Variants in XIRP1 observed in about 807,000 individuals in gnomAD.
The protein encoded by XIRP1 is xin actin-binding repeat-containing protein 1.
For missense variants in XIRP1, 2,378 were observed against 2,345.4 expected, an observed-to-expected ratio of 1.01 and a Z score of -0.29; for synonymous variants, 984 against 947.0, an observed-to-expected ratio of 1.04 and a Z score of -0.72.
Position 39,187,149 on chromosome 3 carries a change from C to T in XIRP1, c.2297G>A (p.Ser766Asn). 1 of 1,611,032 alleles carries T rather than the reference C, an allele frequency of 6.2e-7. No homozygotes were observed. The highest frequency in any genetic ancestry group is 8.5e-7 in the Non-Finnish European group (1 of 1,177,470). The change falls in exon 2 of 2, where the codon AGC becomes AAC. Residue 766 changes from serine to asparagine, a missense_variant. By Grantham distance (46) the Ser-to-Asn change is conservative. Transcript: ENST00000340369. ...MSPSGNRMQE[S>N]QETAAEGTLR... ...GGTCCCCTCAGCTGCAGTCTCCTGG[C>T]TCTCTTGCATCCTGTTGCCTGAGGG...
chr3:39,191,499 G>C (rs868494709), intron 1 of XIRP1, among the ~76,000 whole-genome samples: 5 of 152,156 alleles, frequency 3.3e-5, no homozygotes, highest in Non-Finnish European at 7.4e-5. Flanking sequence ...GGAAACAGAG[G>C]CCCAAAGAGG....
chr3:39,189,326 T>A lies in XIRP1; in HGVS notation c.120A>T (p.Glu40Asp). Residue 40 changes from glutamate to aspartate, a missense_variant, in exon 2 of 2, where the codon GAA (glutamate) becomes GAT (aspartate). Coordinates refer to ENST00000340369, the MANE Select transcript of XIRP1 (RefSeq NM_194293.4). ...LEDLPLPPPK[E>D]SFSKFHQQRQ... ...GCTGCTGATGGAACTTGGAGAAGGATTCCTTGGGTGGCGGCAGTGGCAGGT... is the reference window on the plus strand; with the variant it reads ...GCTGCTGATGGAACTTGGAGAAGGAATCCTTGGGTGGCGGCAGTGGCAGGT... 6.2e-7 allele frequency: 1 copy of A among 1,613,526 alleles called. No homozygotes were observed. Among genetic ancestry groups the A allele is most frequent in the Admixed American group, 1.7e-5 (1 of 59,994 alleles).
Position 39,188,816 on chromosome 3 carries a change from C to CT in XIRP1, c.629dup (p.Glu211GlyfsTer17). On this transcript the variant is annotated frameshift_variant, in exon 2 of 2. Coordinates refer to ENST00000340369, the MANE Select transcript of XIRP1 (RefSeq NM_194293.4). LOFTEE classifies it low-confidence loss of function (END_TRUNC). ...AGCGCAGTTCCAAGGGGCTCTGCTCCTGCAGGGAGGGGCGGGAGCCCAGGC... is the reference window on the plus strand; with the variant it reads ...AGCGCAGTTCCAAGGGGCTCTGCTCCTTGCAGGGAGGGGCGGGAGCCCAGGC... The CT allele has an allele frequency of 6.2e-7, 1 of 1,613,424 alleles. No homozygotes were observed. The highest frequency in any genetic ancestry group is 8.5e-7 in the Non-Finnish European group (1 of 1,180,046).
In XIRP1 at chr3:39,186,775, C is replaced by T; in HGVS notation, c.2671G>A (p.Ala891Thr). Residue 891 changes from alanine (A) to threonine (T), a missense_variant, in exon 2 of 2, where the codon GCA (alanine) becomes ACA (threonine). By Grantham distance (58) the Ala-to-Thr change is moderately conservative. Coordinates refer to ENST00000340369, the MANE Select transcript of XIRP1 (RefSeq NM_194293.4). ...TCCTGCATCACCAGCCCAGTCCTTGCCACGGAGGTCCCAAGACCGCAAGCC... is the reference window on the plus strand; with the variant it reads ...TCCTGCATCACCAGCCCAGTCCTTGTCACGGAGGTCCCAAGACCGCAAGCC... ...LLACGLGTSV[A>T]RTGLVMQETE... 2.5e-6 allele frequency: 4 copies of T among 1,614,032 alleles called. No individual in the cohort carries two copies. The highest frequency in any genetic ancestry group is 1.6e-4 in the Middle Eastern group (1 of 6,062).
rs772858217 is a variant in XIRP1 at position 39,187,288 on chromosome 3, T to G, written c.2158A>C (p.Ile720Leu). 1 of 1,588,720 alleles carries G rather than the reference T, an allele frequency of 6.3e-7. No individual in the cohort carries two copies. Among genetic ancestry groups the G allele is most frequent in the Non-Finnish European group, 8.6e-7 (1 of 1,166,278 alleles). ...AACTTGTGGACAGAACCCGCGGGGA[T>G]GGACCCAGCGATTACCCGGGGCTCC... ...EQEPRVIAGS[I>L]PAGSVHKFTW... is the part of the protein sequence containing the mutation. The change falls in exon 2 of 2, where the codon ATC (isoleucine) becomes CTC (leucine). Residue 720 changes from isoleucine (I) to leucine (L), a missense_variant. Coordinates refer to ENST00000340369, the MANE Select transcript of XIRP1 (RefSeq NM_194293.4).
Position 39,186,218 on chromosome 3 carries a change from G to C in XIRP1, c.3228C>G (p.His1076Gln). 1 of 1,613,870 alleles carries C rather than the reference G, an allele frequency of 6.2e-7. No homozygotes were observed. The highest frequency in any genetic ancestry group is 8.5e-7 in the Non-Finnish European group (1 of 1,179,944). Reference sequence around the variant, plus strand: ...TGGCTGTTGGGGTGGGGCCCTGCTTGTGCTTGTTCAGAACTTGCTGGTGCA... The same window carrying C: ...TGGCTGTTGGGGTGGGGCCCTGCTTCTGCTTGTTCAGAACTTGCTGGTGCA... ...QSLHQQVLNKHKQGPTPTATS... is the reference protein window; with the variant it reads ...QSLHQQVLNKQKQGPTPTATS... Residue 1076 changes from histidine (H) to glutamine (Q), a missense_variant, in exon 2 of 2, where the codon CAC (histidine) becomes CAG (glutamine). Coordinates refer to ENST00000340369, the MANE Select transcript of XIRP1 (RefSeq NM_194293.4).
chr3:39,186,526 G>C lies in XIRP1; in HGVS notation c.2920C>G (p.Pro974Ala), dbSNP rs777638244. Residue 974 changes from proline to alanine, a missense_variant, in exon 2 of 2, where the codon CCC (proline) becomes GCC (alanine). Coordinates refer to ENST00000340369, the MANE Select transcript of XIRP1 (RefSeq NM_194293.4). ...ATCCCCATGCTGGGGTCCAGTGGGG[G>C]AACATGGATGATGCTCTCAGTTGGG... ...LHPTESIIHV[P>A]PLDPSMGMGH... 1.9e-6 allele frequency: 3 copies of C among 1,612,892 alleles called. No individual in the cohort carries two copies. Among genetic ancestry groups the C allele is most frequent in the Non-Finnish European group, 2.5e-6 (3 of 1,179,376 alleles).
In XIRP1 at chr3:39,188,552, CT is replaced by C; in HGVS notation, c.893del (p.Glu298GlyfsTer27). On this transcript the variant is annotated frameshift_variant, in exon 2 of 2. Coordinates refer to ENST00000340369, the MANE Select transcript of XIRP1 (RefSeq NM_194293.4). LOFTEE classifies it low-confidence loss of function (END_TRUNC). ...TTGCACTGACGTCGGGCCGGGCCCC[CT>C]CCTCCAGGGAAATCCCCCGGATCAC... ...VRVIRGISLEEGARPDVSATR... is the reference protein window; with the variant it reads ...VRVIRGISLEXGARPDVSATR... The C allele has an allele frequency of 6.2e-7, 1 of 1,611,930 alleles. No individual in the cohort carries two copies. The highest frequency in any genetic ancestry group is 1.1e-5 in the South Asian group (1 of 91,052).
In XIRP1 at chr3:39,184,475, AG is replaced by A; in HGVS notation, c.4970del (p.Pro1657LeufsTer27). 1 of 1,614,150 alleles carries A rather than the reference AG, an allele frequency of 6.2e-7. No individual in the cohort carries two copies. The highest frequency in any genetic ancestry group is 8.5e-7 in the Non-Finnish European group (1 of 1,180,026). On this transcript the variant is annotated frameshift_variant, in exon 2 of 2. Transcript: ENST00000340369. LOFTEE classifies it low-confidence loss of function (END_TRUNC). ...QETSREYLCP[P>X]RVLPSSRDSP... ...AATCTCGGCTGGAAGGTAAAACCCG[AG>A]GAGGGCACAAATACTCTCTTGATGT... is the stretch of plus-strand genomic sequence containing the variant.
In XIRP1 at chr3:39,185,087, G is replaced by A; in HGVS notation, c.4359C>T (p.Ser1453=). The change falls in exon 2 of 2, where the codon TCC becomes TCT. Residue 1453 remains serine, a synonymous_variant. Coordinates refer to ENST00000340369, the MANE Select transcript of XIRP1 (RefSeq NM_194293.4). ...CAGGGCTCTCAGGGGCCCCTTGGTG[G>A]GAACCTTCCATGGGCTGCTCTCCTG... ...GPSGEQPMEG[S]HQGAPESPDS... is the part of the protein sequence containing the mutation. 1 of 1,527,188 alleles carries A rather than the reference G, an allele frequency of 6.5e-7. No homozygotes were observed. Among genetic ancestry groups the A allele is most frequent in the Non-Finnish European group, 8.8e-7 (1 of 1,141,022 alleles). The allele number at this position is 1,527,188 out of a possible 1,614,324, so 94.6% of individuals were successfully genotyped here.
In XIRP1 at chr3:39,183,779, T is replaced by A. The variant is rs947594415; in HGVS notation, c.*135A>T. 2 of 1,342,248 alleles carry A rather than the reference T, an allele frequency of 1.5e-6. No individual in the cohort carries two copies. The highest frequency in any genetic ancestry group is 3.0e-5 in the African/African-American group (2 of 67,608). 83.1% of individuals were successfully genotyped at this position (1,342,248 alleles called of 1,614,324 possible). On this transcript the variant is annotated 3_prime_UTR_variant, in exon 2 of 2. Transcript: ENST00000340369. ...TATTGAAAGAACTGCGAAAGGGAAATGGCCCACAGTAATCCTCTGAAGATG... is the reference window on the plus strand; with the variant it reads ...TATTGAAAGAACTGCGAAAGGGAAAAGGCCCACAGTAATCCTCTGAAGATG...
Position 39,186,061 on chromosome 3 carries a change from T to G in XIRP1, c.3385A>C (p.Arg1129=). Residue 1129 remains arginine, a synonymous_variant, in exon 2 of 2, where the codon AGA becomes CGA. Transcript: ENST00000340369. ...GTCACCCACCCCCCAGGCAGCCCTC[T>G]GGGTAGTGCTTGCTCTTCCCTACTG... ...KVSREEQALP[R]GLPGGWVTIQ... 2 of 1,614,134 alleles carry G rather than the reference T, an allele frequency of 1.2e-6. No homozygotes were observed. Among genetic ancestry groups the G allele is most frequent in the Non-Finnish European group, 1.7e-6 (2 of 1,179,984 alleles).
Position 39,192,447 on chromosome 3 carries a change from A to G in XIRP1, c.-82T>C, listed in dbSNP as rs1164827992. On this transcript the variant is annotated splice_region_variant and 5_prime_UTR_variant, in exon 1 of 2. Coordinates refer to ENST00000340369, the MANE Select transcript of XIRP1 (RefSeq NM_194293.4). ...AGGATGGAGAGGTAGGTTACTCACC[A>G]AGGGTCTCTCTTGGCTGATGGGGTG... 2.0e-5 allele frequency: 3 copies of G among 152,334 alleles called. No individual in the cohort carries two copies. Among genetic ancestry groups the G allele is most frequent in the African/African-American group, 7.2e-5 (3 of 41,450 alleles). 9.4% of individuals were successfully genotyped at this position (152,334 alleles called of 1,614,324 possible).
At position 39,188,060 on chromosome 3, in the gene XIRP1, C is replaced by T; in HGVS notation, c.1386G>A (p.Gly462=). 1 of 1,614,226 alleles carries T rather than the reference C, an allele frequency of 6.2e-7. No homozygotes were observed. Among genetic ancestry groups the T allele is most frequent in the Non-Finnish European group, 8.5e-7 (1 of 1,180,036 alleles). ...CAGTTCCTTCTTCTCTGCTTGGACT[C>T]CCATGGGCCAGAACCTCACCCTGTC... ...SIGQGEVLAH[G]SPSREEGTDS... is the part of the protein sequence containing the mutation. The change falls in exon 2 of 2, where the codon GGG becomes GGA. Residue 462 remains glycine, a synonymous_variant. Transcript: ENST00000340369.
Position 39,186,127 on chromosome 3 carries a change from C to G in XIRP1, c.3319G>C (p.Gly1107Arg), listed in dbSNP as rs1446400115. 4 of 1,613,412 alleles carry G rather than the reference C, an allele frequency of 2.5e-6. No individual in the cohort carries two copies. The highest frequency in any genetic ancestry group is 3.4e-6 in the Non-Finnish European group (4 of 1,179,614). The change falls in exon 2 of 2, where the codon GGT (glycine) becomes CGT (arginine). Residue 1107 changes from glycine to arginine, a missense_variant. Coordinates refer to ENST00000340369, the MANE Select transcript of XIRP1 (RefSeq NM_194293.4). The stretch of plus-strand genomic sequence containing the variant: ...GCTGGGATCCGGGGATCACTTCCAC[C>G]CCCAGGCCTTATGTTGCTTTGGGTA... ...GATQSNIRPG[G>R]GSDPRIPAAP...
Position 39,185,038 on chromosome 3 carries a change from C to G in XIRP1, c.4408G>C (p.Glu1470Gln). The change falls in exon 2 of 2, where the codon GAG becomes CAG. Residue 1470 changes from glutamate (E) to glutamine (Q), a missense_variant. By Grantham distance (29) the Glu-to-Gln change is conservative. Transcript: ENST00000340369. ...SPDSLQRNQK[E>Q]LQGLLNQVQA... The stretch of plus-strand genomic sequence containing the variant: ...ACCTGGTTCAGGAGGCCCTGGAGCT[C>G]TTTCTGGTTTCTTTGCAGACTGTCA... 6.6e-7 allele frequency: 1 copy of G among 1,521,102 alleles called. No individual in the cohort carries two copies. Among genetic ancestry groups the G allele is most frequent in the Non-Finnish European group, 8.8e-7 (1 of 1,137,868 alleles). 94.2% of individuals were successfully genotyped at this position (1,521,102 alleles called of 1,614,324 possible). A position where few individuals can be genotyped will look rare whatever the true frequency, so the allele number is the denominator to read the frequency against.
In XIRP1 at chr3:39,184,052, G is replaced by A. The variant is rs959104489; in HGVS notation, c.5394C>T (p.Asn1798=). The change falls in exon 2 of 2, where the codon AAC becomes AAT. Residue 1798 remains asparagine, a synonymous_variant. Transcript: ENST00000340369. The part of the protein sequence containing the change: ...TVTEQAEPPR[N]PGSHLGLHAS... ...CGTGGAGCCCGAGGTGGGAGCCTGGGTTCCTGGGTGGCTCTGCCTGCTCGG... is the reference window on the plus strand; with the variant it reads ...CGTGGAGCCCGAGGTGGGAGCCTGGATTCCTGGGTGGCTCTGCCTGCTCGG... 2 of 1,611,368 alleles carry A rather than the reference G, an allele frequency of 1.2e-6. No homozygotes were observed. Among genetic ancestry groups the A allele is most frequent in the African/African-American group, 2.7e-5 (2 of 74,970 alleles).
chr3:39,186,156 C>T lies in XIRP1; in HGVS notation c.3290G>A (p.Gly1097Glu). The T allele has an allele frequency of 1.2e-6, 2 of 1,613,690 alleles. No homozygotes were observed. Among genetic ancestry groups the T allele is most frequent in the Non-Finnish European group, 1.7e-6 (2 of 1,179,790 alleles). ...NPIQDGLRKA[G>E]ATQSNIRPGG... is the part of the protein sequence containing the mutation. ...AGGCCTTATGTTGCTTTGGGTAGCC[C>T]CAGCTTTCCGAAGACCGTCCTGGAT... The change falls in exon 2 of 2, where the codon GGG becomes GAG. Residue 1097 changes from glycine to glutamate, a missense_variant. Coordinates refer to ENST00000340369, the MANE Select transcript of XIRP1 (RefSeq NM_194293.4).
Position 39,185,483 on chromosome 3 carries a change from CT to C in XIRP1, c.3962del (p.Lys1321ArgfsTer13). The C allele has an allele frequency of 1.3e-6, 2 of 1,568,222 alleles. No homozygotes were observed. Among genetic ancestry groups the C allele is most frequent in the Non-Finnish European group, 1.7e-6 (2 of 1,157,462 alleles). ...TPKLDPTMPP[K>X]KKPQLPPKPA... ...GTTTAGGGGGCAGCTGCGGCTTCTT[CT>C]TTGGGGGCATGGTGGGGTCCAGTTT... On this transcript the variant is annotated frameshift_variant, in exon 2 of 2. Transcript: ENST00000340369. LOFTEE classifies it low-confidence loss of function (END_TRUNC).
Sources: allele counts gnomAD v4.1 joint callset (sites outside exome capture counted in the v4.1 genomes callset), GRCh38; gene constraint gnomAD v4.1.1; transcripts MANE v1.5; gene names NCBI Gene and HGNC (gene_info 2026-07-23, HGNC 2026-07-21).